Variants in MGMT observed in about 807,000 individuals in gnomAD.
MGMT encodes the protein O-6-methylguanine-DNA methyltransferase, also known as methylated-DNA--protein-cysteine methyltransferase.
Under a neutral mutation model 15.9 loss-of-function variants are expected in MGMT, and 14 were observed. The ratio of observed to expected loss-of-function variants is 0.88; its 90% confidence interval spans 0.58 to 1.37. The LOEUF (loss-of-function observed/expected upper bound fraction) is 1.37, where lower values mean the gene tolerates loss of function less well. Ranked by LOEUF, MGMT falls within the 40% of genes most tolerant of loss-of-function variation. MGMT has a pLI of 0.00. For synonymous variants in MGMT, 130 were observed against 118.2 expected (o/e 1.10, Z -0.65); for missense variants, 282 against 268.1 (o/e 1.05, Z -0.36).
intron 2 of MGMT, among the ~76,000 whole-genome samples, chr10:129,546,747 G>C (rs902198838): frequency 3.7e-4 from 57 of 152,144 alleles, no homozygotes; most frequent in African/African-American, 1.4e-3. Flanking sequence ...GAACACTGAC[G>C]TCAGATCTTC....
At chr10:129,547,686 G>A (rs114587207) in intron 2 of MGMT, among the ~76,000 whole-genome samples, 27 of 152,296 alleles carry the variant, frequency 1.8e-4, no homozygotes, top group Admixed American at 2.6e-4. Context: ...CTATCCTCCC[G>A]TCCTTGGTTG....
intron 2 of MGMT, among the ~76,000 whole-genome samples, chr10:129,637,815 G>A (rs938672625): frequency 7.2e-5 from 11 of 152,150 alleles, no homozygotes; most frequent in South Asian, 4.1e-4. Flanking sequence ...GTGGCCGTCC[G>A]CAAGCCAAGA....
chr10:129,655,853 G>A (rs987789924), intron 2 of MGMT, among the ~76,000 whole-genome samples: 3 of 152,162 alleles, frequency 2.0e-5, no homozygotes, highest in Non-Finnish European at 4.4e-5. Flanking sequence ...GTTTCTGGAG[G>A]AAACGCACAG....
At chr10:129,601,932 C>T (rs752797177) in intron 2 of MGMT, among the ~76,000 whole-genome samples, 6 of 152,074 alleles carry the variant, frequency 3.9e-5, no homozygotes, top group East Asian at 1.9e-4. Flanking sequence ...GGAAATTCCC[C>T]GTAGTTCATT....
At chr10:129,569,198 G>A (rs1045193256) in intron 2 of MGMT, among the ~76,000 whole-genome samples, 13 of 152,092 alleles carry the variant, frequency 8.5e-5, no homozygotes, top group African/African-American at 2.4e-4. Flanking sequence ...TGCCTGCCTC[G>A]CAGGTTCAGA....
chr10:129,704,982 G>A (rs1848143431), intron 2 of MGMT, among the ~76,000 whole-genome samples: 1 of 152,094 alleles, frequency 6.6e-6, no homozygotes, highest in Non-Finnish European at 1.5e-5. Flanking sequence ...CCCTTCACTG[G>A]GTCTCTTTCC....
At chr10:129,683,308 A>G (rs1288386292) in intron 2 of MGMT, among the ~76,000 whole-genome samples, 1 of 152,200 alleles carries the variant, frequency 6.6e-6, no homozygotes, top group Non-Finnish European at 1.5e-5. Flanking sequence ...CCAAAAGGTG[A>G]TATTCCCCCT....
chr10:129,660,462 G>A (rs59003385), intron 2 of MGMT, among the ~76,000 whole-genome samples: 19,557 of 151,972 alleles, frequency 0.13, 2,806 homozygotes, highest in African/African-American at 0.36. Flanking sequence ...GATTAAAACA[G>A]ACAAAAAACC....
chr10:129,617,828 G>A (rs959704738), intron 2 of MGMT, among the ~76,000 whole-genome samples: 1 of 152,076 alleles, frequency 6.6e-6, no homozygotes, highest in Non-Finnish European at 1.5e-5. Flanking sequence ...TGGTTTCTGG[G>A]TATTAGACCT....
intron 3 of MGMT, among the ~76,000 whole-genome samples, chr10:129,714,511 T>C (rs1341663433): frequency 6.6e-6 from 1 of 152,194 alleles, no homozygotes; most frequent in African/African-American, 2.4e-5. Context: ...TATATCAGAA[T>C]CCTCTAGACA....
At chr10:129,650,576 A>T (rs760264418) in intron 2 of MGMT, among the ~76,000 whole-genome samples, 5 of 152,100 alleles carry the variant, frequency 3.3e-5, no homozygotes, top group Non-Finnish European at 5.9e-5. Context: ...CGAGGAAGAG[A>T]TCCATGGGTT....
intron 1 of MGMT, among the ~76,000 whole-genome samples, chr10:129,475,900 G>T (rs1483161559): frequency 6.6e-6 from 1 of 152,224 alleles, no homozygotes; most frequent in African/African-American, 2.4e-5. Context: ...GTCATCCTTG[G>T]CCCAGCAAGA....
chr10:129,721,328 T>A (rs1046690650), intron 3 of MGMT, among the ~76,000 whole-genome samples: 5 of 152,262 alleles, frequency 3.3e-5, no homozygotes, highest in Non-Finnish European at 7.3e-5. Context: ...AAGAGGGAAC[T>A]ATACAGAGAA....
intron 2 of MGMT, among the ~76,000 whole-genome samples, chr10:129,602,418 C>T (rs1846834732): frequency 6.6e-6 from 1 of 152,104 alleles, no homozygotes; most frequent in African/African-American, 2.4e-5. Flanking sequence ...CTCAGAGATG[C>T]GCTTAAAGAT....
chr10:129,487,882 C>A (rs985475913), intron 1 of MGMT, among the ~76,000 whole-genome samples: 2 of 149,314 alleles, frequency 1.3e-5, no homozygotes, highest in East Asian at 4.0e-4. Context: ...CATTGAGAGA[C>A]TGTGTGTGTG....
intron 1 of MGMT, among the ~76,000 whole-genome samples, chr10:129,499,185 A>G (rs953048747): frequency 6.6e-6 from 1 of 152,230 alleles, no homozygotes; most frequent in African/African-American, 2.4e-5. Context: ...GAAAAGCCCT[A>G]CTTGTGAAGA....
intron 3 of MGMT, among the ~76,000 whole-genome samples, chr10:129,719,059 G>A (rs1281606071): frequency 6.7e-6 from 1 of 150,024 alleles, no homozygotes; most frequent in Non-Finnish European, 1.5e-5. Flanking sequence ...GCGTGTCACC[G>A]TCCCAGGCTG....
At chr10:129,663,921 A>G (rs1394077696) in intron 2 of MGMT, among the ~76,000 whole-genome samples, 1 of 152,232 alleles carries the variant, frequency 6.6e-6, no homozygotes, top group African/African-American at 2.4e-5. Flanking sequence ...AAATTGTTTA[A>G]AAGCATAAGA....
chr10:129,632,227 G>C (rs903201211), intron 2 of MGMT, among the ~76,000 whole-genome samples: 2 of 152,332 alleles, frequency 1.3e-5, no homozygotes, highest in East Asian at 3.9e-4. Context: ...TTAACACCCT[G>C]TGATTGGTTA....
Sources: gnomAD v4.1 joint callset for allele counts (sites outside exome capture counted in the v4.1 genomes callset) on GRCh38, gnomAD v4.1.1 for gene constraint, MANE v1.5 for transcripts, NCBI Gene and HGNC (gene_info 2026-07-23, HGNC 2026-07-21) for gene names.